Variants in CCDC32 observed in about 807,000 individuals in gnomAD.
CCDC32 encodes coiled-coil domain containing 32.
Under a neutral mutation model 20.1 loss-of-function variants are expected in CCDC32, and 9 were observed. The ratio of observed to expected loss-of-function variants is 0.45; its 90% confidence interval spans 0.27 to 0.78. The LOEUF (loss-of-function observed/expected upper bound fraction) is 0.78. CCDC32 is among the 30% of genes least tolerant of loss of function. The pLI, the probability that CCDC32 is intolerant of heterozygous loss-of-function variation, is 0.16. For synonymous variants in CCDC32, 63 were observed against 79.0 expected (o/e 0.80, Z 1.07); for missense variants, 204 against 215.5 (o/e 0.95, Z 0.33).
downstream of CCDC32, chr15:40,537,951 GA>G (rs1036434764): frequency 2.0e-5 from 3 of 151,846 alleles, no homozygotes; most frequent in South Asian, 4.2e-4. Context: ...CTCCGCCTCA[GA>G]AAAAAAAGCT....
downstream of CCDC32, among the ~76,000 whole-genome samples, chr15:40,528,006 TC>T (rs1183881975): frequency 6.6e-6 from 1 of 152,254 alleles, no homozygotes; most frequent in Non-Finnish European, 1.5e-5. Context: ...CTGTGGCCTA[TC>T]TTCAGTAATT....
chr15:40,540,442 A>G (rs1328524375), intron 3 of CCDC32, among the ~76,000 whole-genome samples: 1 of 147,146 alleles, frequency 6.8e-6, no homozygotes, highest in South Asian at 2.1e-4. Context: ...ATATCGGCTC[A>G]CTGCAACCTC....
downstream of CCDC32, among the ~76,000 whole-genome samples, chr15:40,551,480 G>T (rs1889860873): frequency 6.6e-6 from 1 of 152,044 alleles, no homozygotes; most frequent in Non-Finnish European, 1.5e-5. Context: ...TGCAAGCCTG[G>T]ATGACCGTCA....
intron 1 of CCDC32, 129 bp from the exon 2 acceptor site, chr15:40,563,156 A>C (rs943559914): frequency 5.4e-6 from 6 of 1,111,886 alleles, no homozygotes; most frequent in Non-Finnish European, 7.7e-6. Context: ...TGAGGCCAGC[A>C]GTTCGAGACC....
chr15:40,559,013 AG>A (rs1375242904), intron 2 of CCDC32, among the ~76,000 whole-genome samples: 3 of 152,070 alleles, frequency 2.0e-5, no homozygotes, highest in African/African-American at 7.2e-5. Context: ...CATGTTGGCC[AG>A]GATGGTCTTG....
chr15:40,528,825 GAA>G (rs1409300488), intron 3 of CCDC32: 5 of 696,556 alleles, frequency 7.2e-6, no homozygotes, highest in Non-Finnish European at 1.3e-5. Context: ...AAAAGTAAAA[GAA>G]AACCCCTCAA....
At chr15:40,532,739 T>A (rs1304776062), downstream of CCDC32, among the ~76,000 whole-genome samples, 3 of 145,218 alleles carry the variant, frequency 2.1e-5, no homozygotes, top group African/African-American at 5.2e-5. Flanking sequence ...TTTTTTTTTT[T>A]GAGAGAGAAT....
chr15:40,558,899 G>T (rs530966830), intron 2 of CCDC32, among the ~76,000 whole-genome samples: 16 of 151,162 alleles, frequency 1.1e-4, no homozygotes, highest in Non-Finnish European at 2.2e-4. Context: ...CGCCTCCTGG[G>T]TTCAAGCGAT....
chr15:40,527,473 A>G (rs1279253208), downstream of CCDC32, among the ~76,000 whole-genome samples: 2 of 152,096 alleles, frequency 1.3e-5, no homozygotes, highest in Non-Finnish European at 2.9e-5. Context: ...ACCCCACCGA[A>G]TGTTCTTAAT....
intron 3 of CCDC32, among the ~76,000 whole-genome samples, chr15:40,542,023 C>T (rs1278768258): frequency 6.6e-6 from 1 of 152,178 alleles, no homozygotes; most frequent in Non-Finnish European, 1.5e-5. Flanking sequence ...AGCAGCAAGC[C>T]CCCATAGGTC....
chr15:40,525,882 T>C (rs1217538571), downstream of CCDC32, among the ~76,000 whole-genome samples: 1 of 152,018 alleles, frequency 6.6e-6, no homozygotes, highest in Non-Finnish European at 1.5e-5. Context: ...GCTCATACTT[T>C]GGTGTCTCTC....
At chr15:40,543,447 TTTG>T (rs754674235) in intron 3 of CCDC32, among the ~76,000 whole-genome samples, 8 of 151,636 alleles carry the variant, frequency 5.3e-5, no homozygotes, top group Non-Finnish European at 7.4e-5. Context: ...CTGTTTTGTT[TTTG>T]TTGTTGTTGT....
Position 40,546,244 on chromosome 15 carries a change from G to A in CCDC32, c.402-6889C>T, listed in dbSNP as rs144460770. ...TCTCACCCTGTCACCCAGGCTGGAG[G>A]GCAGTGGCATGATCTTGGCTCACTG... On this transcript the variant is annotated intron_variant, in intron 3 of 3. Transcript: ENST00000558113. Among the ~76,000 whole-genome samples, 65 of 151,010 alleles carry A rather than the reference G, an allele frequency of 4.3e-4. 2 individuals are homozygous for A. The East Asian group carries it at 0.011, about 25-fold the overall frequency.
At chr15:40,551,476 C>G (rs1456878976), downstream of CCDC32, among the ~76,000 whole-genome samples, 1 of 152,016 alleles carries the variant, frequency 6.6e-6, no homozygotes, top group Non-Finnish European at 1.5e-5. Context: ...AGCCTGCAAG[C>G]CTGGATGACC....
At chr15:40,528,917 A>G (rs1894934479) in intron 3 of CCDC32, 2 of 621,922 alleles carry the variant, frequency 3.2e-6, no homozygotes, top group African/African-American at 1.8e-5. Flanking sequence ...TGGCTCCAGC[A>G]CGTGCTGAGT....
chr15:40,539,987 T>C (rs1025341859), intron 3 of CCDC32, among the ~76,000 whole-genome samples: 2 of 152,074 alleles, frequency 1.3e-5, no homozygotes, highest in African/African-American at 2.4e-5. Context: ...GTGTGAAGGG[T>C]TGATTTTCAA....
chr15:40,548,901 A>G (rs1889730056), downstream of CCDC32, among the ~76,000 whole-genome samples: 2 of 152,200 alleles, frequency 1.3e-5, no homozygotes, highest in Non-Finnish European at 2.9e-5. Flanking sequence ...TCCACATCAC[A>G]CTGGAACATG....
the CCDC32 span, among the ~76,000 whole-genome samples, chr15:40,523,573 G>A: frequency 6.6e-6 from 1 of 151,330 alleles, no homozygotes; most frequent in Non-Finnish European, 1.5e-5. Context: ...CTGTAAAAAG[G>A]AAATAACCAT....
At chr15:40,541,201 TGCAGGGCTGCCTGAAAGTG>T (rs2141611607) in intron 3 of CCDC32, among the ~76,000 whole-genome samples, 1 of 152,340 alleles carries the variant, frequency 6.6e-6, no homozygotes, top group African/African-American at 2.4e-5. Context: ...TCTTAGCCCC[TGCAGGGCTGCCTGAAAGTG>T]GCAGGGGCTT....
Sources: allele counts gnomAD v4.1 joint callset (sites outside exome capture counted in the v4.1 genomes callset), GRCh38; gene constraint gnomAD v4.1.1; transcripts MANE v1.5; gene names NCBI Gene and HGNC (gene_info 2026-07-23, HGNC 2026-07-21).